DEUP1: variants seen among roughly 807,000 people sequenced by gnomAD.
DEUP1 encodes the protein deuterosome assembly protein 1, also known as coiled-coil domain containing 67.
A neutral mutation model predicts 87.4 loss-of-function variants in DEUP1; 82 were observed. That is an observed-to-expected ratio of 0.94 (90% CI 0.78 to 1.13). The LOEUF is 1.13. Ranked by LOEUF, DEUP1 falls within the 50% of genes most tolerant of loss-of-function variation. The pLI, the probability that DEUP1 is intolerant of heterozygous loss-of-function variation, is 0.00. For synonymous variants in DEUP1, 214 were observed against 222.7 expected (o/e 0.96, Z 0.35); for missense variants, 663 against 681.5 (o/e 0.97, Z 0.30).
At chr11:93,362,038 T>A (rs1269935532) in intron 4 of DEUP1, among the ~76,000 whole-genome samples, 1 of 152,038 alleles carries the variant, frequency 6.6e-6, no homozygotes, top group East Asian at 1.9e-4. Context: ...GTTGGAGCCC[T>A]ACCTTAAACC....
intron 4 of DEUP1, 32 bp downstream of exon 4, chr11:93,357,075 C>T (rs1439420164): frequency 1.5e-5 from 19 of 1,274,556 alleles, no homozygotes; most frequent in Admixed American, 2.6e-5. Flanking sequence ...TAATATCACA[C>T]ATTTTGATAT....
In DEUP1 at chr11:93,330,768, C is replaced by G. The variant is rs1471256237; in HGVS notation, c.-49C>G. The G allele has an allele frequency of 6.6e-6, 1 of 152,500 alleles. No individual in the cohort carries two copies. Among genetic ancestry groups the G allele is most frequent in the East Asian group, 1.9e-4 (1 of 5,176 alleles). 9.4% of individuals were successfully genotyped at this position (152,500 alleles called of 1,614,324 possible). A position where few individuals can be genotyped will look rare whatever the true frequency, so the allele number is the denominator to read the frequency against. ...GACCTCTCGGGCGAGCGCGGCGCAG[C>G]GCAGGTAATGGCTCCTGGCCTTCCC... On this transcript the variant is annotated 5_prime_UTR_variant, in exon 1 of 14. Coordinates refer to ENST00000298050, the MANE Select transcript of DEUP1 (RefSeq NM_181645.4).
chr11:93,340,598 G>A (rs1350123642), intron 2 of DEUP1, among the ~76,000 whole-genome samples: 2 of 152,222 alleles, frequency 1.3e-5, no homozygotes, highest in Non-Finnish European at 2.9e-5. Context: ...TAGACCATAG[G>A]AGGGTAAGGG....
At chr11:93,396,144 A>C in intron 10 of DEUP1, 95 bp from the exon 11 acceptor site, 1 of 757,470 alleles carries the variant, frequency 1.3e-6, no homozygotes, top group Non-Finnish European at 2.2e-6. Context: ...CCTTCATTAC[A>C]CTTAGAAAAT....
chr11:93,380,695 G>A (rs768783896), intron 7 of DEUP1, among the ~76,000 whole-genome samples: 5 of 151,974 alleles, frequency 3.3e-5, no homozygotes, highest in East Asian at 1.9e-4. Flanking sequence ...GAGCCACCGC[G>A]CCCGGCCAGC....
At chr11:93,345,347 C>T (rs750157553) in intron 2 of DEUP1, among the ~76,000 whole-genome samples, 21 of 152,096 alleles carry the variant, frequency 1.4e-4, no homozygotes, top group African/African-American at 4.6e-4. Flanking sequence ...TATGATAGAA[C>T]GGTTTGTATT....
At chr11:93,380,992 G>A (rs957712546) in intron 7 of DEUP1, among the ~76,000 whole-genome samples, 8 of 152,166 alleles carry the variant, frequency 5.3e-5, no homozygotes, top group South Asian at 2.1e-4. Context: ...ACTTTAAGAT[G>A]TCTGAAAGAT....
chr11:93,382,115 A>T (rs1946330632), intron 7 of DEUP1, among the ~76,000 whole-genome samples: 1 of 152,196 alleles, frequency 6.6e-6, no homozygotes, highest in South Asian at 2.1e-4. Context: ...GTACCAAAGA[A>T]TCATTTTCCT....
chr11:93,356,939 T>C lies in DEUP1; in HGVS notation c.202-9T>C. On this transcript the variant is annotated splice_polypyrimidine_tract_variant and intron_variant, in intron 3 of 13. Coordinates refer to ENST00000298050, the MANE Select transcript of DEUP1 (RefSeq NM_181645.4). ...GAAAAAGCAAAATTAAATTTTATTC[T>C]TCATGCAGGTAGGGTTACTTCGACA... is the stretch of plus-strand genomic sequence containing the variant. 1.3e-6 allele frequency: 2 copies of C among 1,563,878 alleles called. No homozygotes were observed. Among genetic ancestry groups the C allele is most frequent in the Non-Finnish European group, 1.7e-6 (2 of 1,151,552 alleles).
intron 7 of DEUP1, among the ~76,000 whole-genome samples, chr11:93,372,089 C>T (rs1033145064): frequency 8.6e-5 from 13 of 151,536 alleles, no homozygotes; most frequent in African/African-American, 1.2e-4. Context: ...CCACTACGCC[C>T]GGCTAATTTT....
chr11:93,433,444 A>G (rs538671673), intron 13 of DEUP1, among the ~76,000 whole-genome samples: 28 of 152,350 alleles, frequency 1.8e-4, no homozygotes, highest in African/African-American at 6.5e-4. Context: ...ACTTGAGCCC[A>G]GGAGCTGGAA....
At chr11:93,364,333 G>T in intron 5 of DEUP1, 39 bp downstream of exon 5, 1 of 1,562,984 alleles carries the variant, frequency 6.4e-7, no homozygotes, top group South Asian at 1.1e-5. Context: ...GTGTATTAAA[G>T]ATTGATTCCT....
At chr11:93,352,361 A>G in intron 2 of DEUP1, 1 of 702,546 alleles carries the variant, frequency 1.4e-6, no homozygotes, top group Admixed American at 2.0e-5. Context: ...CTGGACTTAC[A>G]CCAGCTCCCT....
At chr11:93,365,676 A>C (rs751617772) in intron 5 of DEUP1, among the ~76,000 whole-genome samples, 2 of 152,238 alleles carry the variant, frequency 1.3e-5, no homozygotes, top group Non-Finnish European at 2.9e-5. Flanking sequence ...ATGTAATGAA[A>C]TTATAGTGGA....
chr11:93,338,235 G>A (rs1262948961), intron 2 of DEUP1, among the ~76,000 whole-genome samples: 2 of 151,796 alleles, frequency 1.3e-5, no homozygotes, highest in Non-Finnish European at 2.9e-5. Flanking sequence ...GGCAAGAGAA[G>A]TAGCAACACA....
At position 93,437,910 on chromosome 11, in the gene DEUP1, C is replaced by A; in HGVS notation, c.*191C>A. On this transcript the variant is annotated 3_prime_UTR_variant, in exon 14 of 14. Coordinates refer to ENST00000298050, the MANE Select transcript of DEUP1 (RefSeq NM_181645.4). ...AAAGCTGTTCACATTTCTGCATTAACATGCTAAATTGTCCTGCTGTAGAGT... is the reference window on the plus strand; with the variant it reads ...AAAGCTGTTCACATTTCTGCATTAAAATGCTAAATTGTCCTGCTGTAGAGT... The A allele has an allele frequency of 2.2e-6, 1 of 464,086 alleles. No individual in the cohort carries two copies. The highest frequency in any genetic ancestry group is 3.9e-6 in the Non-Finnish European group (1 of 256,766). The allele number at this position is 464,086 out of a possible 1,614,324, so 28.7% of individuals were successfully genotyped here.
intron 13 of DEUP1, among the ~76,000 whole-genome samples, chr11:93,432,689 C>G (rs545658992): frequency 6.6e-6 from 1 of 152,114 alleles, no homozygotes; most frequent in East Asian, 1.9e-4. Context: ...GGACAAGTTG[C>G]TGAATGGTTA....
intron 7 of DEUP1, among the ~76,000 whole-genome samples, chr11:93,373,633 A>G (rs1396368479): frequency 0.023 from 3,290 of 144,728 alleles, 84 homozygotes; most frequent in Non-Finnish European, 0.028. Context: ...ACGTATATAT[A>G]TATATATATA....
Position 93,368,972 on chromosome 11 carries a change from G to A in DEUP1, c.433-1101G>A, listed in dbSNP as rs141369359. Among the ~76,000 whole-genome samples, 27 of 150,902 alleles carry A rather than the reference G, an allele frequency of 1.8e-4. No individual in the cohort carries two copies. In the East Asian group the frequency reaches 4.5e-3, roughly 25 times the overall value. On this transcript the variant is annotated intron_variant, in intron 5 of 13. Coordinates refer to ENST00000298050, the MANE Select transcript of DEUP1 (RefSeq NM_181645.4). Reference sequence around the variant, plus strand: ...AAAAGAAAAAAAAGAAACCACCCCCGTGCCCACCAGCCACCCCCCAACACA... The same window carrying A: ...AAAAGAAAAAAAAGAAACCACCCCCATGCCCACCAGCCACCCCCCAACACA...
Sources: allele counts gnomAD v4.1 joint callset (sites outside exome capture counted in the v4.1 genomes callset), GRCh38; gene constraint gnomAD v4.1.1; transcripts MANE v1.5; gene names NCBI Gene and HGNC (gene_info 2026-07-23, HGNC 2026-07-21).